LAMA5: variants seen among roughly 807,000 people sequenced by gnomAD.
LAMA5 encodes the protein laminin subunit alpha 5.
In LAMA5, 260 loss-of-function variants were observed where a neutral mutation model predicts 433.4. That is an observed-to-expected ratio of 0.60 (90% confidence interval 0.54 to 0.66). LAMA5 has a LOEUF of 0.66. Among genes scored for constraint, LAMA5 ranks in the 30% least tolerant of loss-of-function variants. LAMA5 has a pLI of 0.00. For synonymous variants in LAMA5, 2,620 were observed against 2,226.6 expected (o/e 1.18, Z -4.97); for missense variants, 5,378 against 5,258.5 (o/e 1.02, Z -0.70).
intron 6 of LAMA5, chr20:62,350,843 C>T (rs1334436290): frequency 6.6e-6 from 1 of 152,358 alleles, no homozygotes; most frequent in Non-Finnish European, 1.5e-5. Flanking sequence ...TGGGGTCCCA[C>T]CCTGTGTTCC....
In LAMA5 at chr20:62,311,952, G is replaced by T; in HGVS notation, c.9603C>A (p.Pro3201=). 6.2e-7 allele frequency: 1 copy of T among 1,612,608 alleles called. No homozygotes were observed. Among genetic ancestry groups the T allele is most frequent in the Non-Finnish European group, 8.5e-7 (1 of 1,179,854 alleles). Residue 3201 remains proline (P), a synonymous_variant, in exon 70 of 80, where the codon CCC becomes CCA. Coordinates refer to ENST00000252999, the MANE Select transcript of LAMA5 (RefSeq NM_005560.6). The stretch of plus-strand genomic sequence containing the variant: ...CATTGCTGTAGAAGGCGACGTAATG[G>T]GGGGCACCATCGGCGAAGCCCGCTT... ...KTQAGFADGA[P]HYVAFYSNAT... is the part of the protein sequence containing the mutation.
Position 62,317,743 on chromosome 20 carries a change from G to C in LAMA5, c.7275C>G (p.Thr2425=). The C allele has an allele frequency of 1.2e-6, 2 of 1,607,592 alleles. No homozygotes were observed. Among genetic ancestry groups the C allele is most frequent in the Non-Finnish European group, 1.7e-6 (2 of 1,177,868 alleles). Residue 2425 remains threonine, a synonymous_variant, in exon 54 of 80, where the codon ACC becomes ACG. Transcript: ENST00000252999. ...RKQELSRDNA[T]LQATLHAARD... ...TAGCCGCATGCAGAGTGGCCTGCAG[G>C]GTGGCATTGTCCCGGGACAGCTCCT...
Position 62,326,862 on chromosome 20 carries a change from C to T in LAMA5, c.5214+3G>A. Reference sequence around the variant, plus strand: ...CCCTGCCACATCATCTCAGCTCCCTCACCTGCAGCACCACATCCGGCCTGC... The same window carrying T: ...CCCTGCCACATCATCTCAGCTCCCTTACCTGCAGCACCACATCCGGCCTGC... On this transcript the variant is annotated splice_donor_region_variant and intron_variant, in intron 39 of 79. Transcript: ENST00000252999. 6.2e-7 allele frequency: 1 copy of T among 1,609,810 alleles called. No homozygotes were observed. Among genetic ancestry groups the T allele is most frequent in the Non-Finnish European group, 8.5e-7 (1 of 1,177,308 alleles).
rs1161827066 is a variant in LAMA5 at position 62,319,735 on chromosome 20, G to A, written c.6820C>T (p.His2274Tyr). The part of the protein sequence containing the change: ...LLAGTEATLG[H>Y]AKTLLAAIRA... ...ATGGCCGCCAACAGCGTCTTCGCATGGCCCAGTGTGGCCTCGGTGCCGGCC... is the reference window on the plus strand; with the variant it reads ...ATGGCCGCCAACAGCGTCTTCGCATAGCCCAGTGTGGCCTCGGTGCCGGCC... Residue 2274 changes from histidine (H) to tyrosine (Y), a missense_variant, in exon 51 of 80, where the codon CAT becomes TAT. Coordinates refer to ENST00000252999, the MANE Select transcript of LAMA5 (RefSeq NM_005560.6). 1.9e-6 allele frequency: 3 copies of A among 1,549,036 alleles called. No homozygotes were observed. Among genetic ancestry groups the A allele is most frequent in the Admixed American group, 1.9e-5 (1 of 51,326 alleles).
At position 62,322,649 on chromosome 20, in the gene LAMA5, C is replaced by T. The variant is rs772889170; in HGVS notation, c.6165+9G>A. On this transcript the variant is annotated intron_variant, in intron 46 of 79. Transcript: ENST00000252999. ...CACCCACCCAGCCCTGCTTACCCCA[C>T]AGCCCTACCTGGCAGCGGTCACAGC... 2.1e-4 allele frequency: 317 copies of T among 1,520,570 alleles called. No individual in the cohort carries two copies. Among genetic ancestry groups the T allele is most frequent in the Non-Finnish European group, 2.5e-4 (281 of 1,127,646 alleles). 94.2% of individuals were successfully genotyped at this position (1,520,570 alleles called of 1,614,324 possible).
intron 2 of LAMA5, among the ~76,000 whole-genome samples, chr20:62,357,144 A>T (rs1439228257): frequency 6.6e-6 from 1 of 152,108 alleles, no homozygotes; most frequent in Non-Finnish European, 1.5e-5. Flanking sequence ...CCTGTGCCCA[A>T]ACCCAGCTCT....
chr20:62,346,843 C>A, intron 7 of LAMA5, 43 bp from the exon 8 acceptor site: 1 of 1,606,972 alleles, frequency 6.2e-7, no homozygotes, highest in Non-Finnish European at 8.5e-7. Flanking sequence ...CCTCCACAGG[C>A]CCGGGCACCG....
chr20:62,363,288 C>G (rs1207790117), intron 1 of LAMA5, among the ~76,000 whole-genome samples: 1 of 152,144 alleles, frequency 6.6e-6, no homozygotes, highest in Non-Finnish European at 1.5e-5. Flanking sequence ...CTGCTGCTTC[C>G]GAGTCCTGGG....
At chr20:62,349,097 G>A (rs574863062) in intron 6 of LAMA5, among the ~76,000 whole-genome samples, 3 of 151,624 alleles carry the variant, frequency 2.0e-5, no homozygotes, top group Non-Finnish European at 4.4e-5. Flanking sequence ...GTGAAACCCC[G>A]TTTCTACTAA....
chr20:62,335,531 C>T (rs954875335), intron 18 of LAMA5, among the ~76,000 whole-genome samples: 7 of 149,468 alleles, frequency 4.7e-5, no homozygotes, highest in Admixed American at 1.3e-4. Context: ...CCAATACTCC[C>T]TCTAGAGCAC....
At chr20:62,333,325 G>A (rs1398531785) in intron 25 of LAMA5, 50 bp downstream of exon 25, 26 of 1,600,776 alleles carry the variant, frequency 1.6e-5, no homozygotes, top group Non-Finnish European at 2.1e-5. Context: ...CAGGCACAGT[G>A]GGGGTCCAGG....
In LAMA5 at chr20:62,314,612, C is replaced by A; in HGVS notation, c.8310G>T (p.Glu2770Asp). ...TALKFYLQGP[E>D]PEPGQGTEDR... Reference sequence around the variant, plus strand: ...CCTCGGTACCCTGCCCAGGCTCAGGCTCTGGGCCCTGCAGGTAGAACTTGA... The same window carrying A: ...CCTCGGTACCCTGCCCAGGCTCAGGATCTGGGCCCTGCAGGTAGAACTTGA... The change falls in exon 61 of 80, where the codon GAG becomes GAT. Residue 2770 changes from glutamate (E) to aspartate (D), a missense_variant. By Grantham distance (45) the Glu-to-Asp change is conservative. Coordinates refer to ENST00000252999, the MANE Select transcript of LAMA5 (RefSeq NM_005560.6). 6.2e-7 allele frequency: 1 copy of A among 1,612,444 alleles called. No individual in the cohort carries two copies. Among genetic ancestry groups the A allele is most frequent in the Non-Finnish European group, 8.5e-7 (1 of 1,179,890 alleles).
chr20:62,353,265 G>C lies in LAMA5; in HGVS notation c.451-14C>G, dbSNP rs777794987. ...CACGTGGAAGACCTGTGGGCCGAGA[G>C]GGCGTCAGGGGAGCCAGGGGCGCCT... is the stretch of plus-strand genomic sequence containing the variant. On this transcript the variant is annotated splice_polypyrimidine_tract_variant and intron_variant, in intron 2 of 79. Coordinates refer to ENST00000252999, the MANE Select transcript of LAMA5 (RefSeq NM_005560.6). 6.4e-7 allele frequency: 1 copy of C among 1,568,468 alleles called. No homozygotes were observed. Among genetic ancestry groups the C allele is most frequent in the South Asian group, 1.2e-5 (1 of 86,598 alleles).
rs375624201 is a variant in LAMA5, at chr20:62,351,764, C to A, written c.896G>T (p.Arg299Leu). The A allele has an allele frequency of 1.2e-5, 20 of 1,611,042 alleles. No homozygotes were observed. The highest frequency in any genetic ancestry group is 1.5e-5 in the Non-Finnish European group (18 of 1,179,634). Residue 299 changes from arginine to leucine, a missense_variant, in exon 6 of 80, where the codon CGC (arginine) becomes CTC (leucine). Transcript: ENST00000252999. The stretch of plus-strand genomic sequence containing the variant: ...ATCCGCGTGGCCGTGGCAGACACAG[C>A]GGCCTCCGATGCTGATATCCTTGAT... ...YSIKDISIGG[R>L]CVCHGHADAC...
intron 6 of LAMA5, 23 bp downstream of exon 6, chr20:62,351,681 G>A: frequency 6.3e-7 from 1 of 1,590,786 alleles, no homozygotes; most frequent in South Asian, 1.1e-5. Context: ...CCTGAACGGG[G>A]CCTCACCTGA....
rs767722075 is a variant in LAMA5 at position 62,313,386 on chromosome 20, G to A, written c.8733C>T (p.Ser2911=). Residue 2911 remains serine, a synonymous_variant, in exon 64 of 80, where the codon AGC becomes AGT. Transcript: ENST00000252999. ...EMDTLNEEVV[S]LYNFERTFQL... ...GGAAGGTCCTCTCGAAGTTGTAGAG[G>A]CTGACCACCTCCTCATTCAGCGTGT... The A allele has an allele frequency of 2.5e-6, 4 of 1,603,454 alleles. No homozygotes were observed. The South Asian group carries it at 3.4e-5, about 13-fold the overall frequency.
chr20:62,326,514 T>G, intron 40 of LAMA5, 163 bp downstream of exon 40: 1 of 600,872 alleles, frequency 1.7e-6, no homozygotes, highest in South Asian at 2.0e-5. Context: ...ACAGAAGATA[T>G]CTGACAATGG....
In LAMA5 at chr20:62,346,341, G is replaced by T. The variant is rs1287957220; in HGVS notation, c.1283-126C>A. On this transcript the variant is annotated intron_variant, in intron 9 of 79. Coordinates refer to ENST00000252999, the MANE Select transcript of LAMA5 (RefSeq NM_005560.6). Reference sequence around the variant, plus strand: ...ATGAGGGCTACAGCCAGGCCCCCTGGGGGGACATGAGGGCTGGGGACCCGC... The same window carrying T: ...ATGAGGGCTACAGCCAGGCCCCCTGTGGGGACATGAGGGCTGGGGACCCGC... 10 of 1,414,472 alleles carry T rather than the reference G, an allele frequency of 7.1e-6. No individual in the cohort carries two copies. The Admixed American group carries it at 1.2e-4, about 18-fold the overall frequency. 87.6% of individuals were successfully genotyped at this position (1,414,472 alleles called of 1,614,324 possible). A position where few individuals can be genotyped will look rare whatever the true frequency, so the allele number is the denominator to read the frequency against.
intron 25 of LAMA5, 52 bp downstream of exon 25, chr20:62,333,322 AG>A (rs1980854381): frequency 6.2e-7 from 1 of 1,600,270 alleles, no homozygotes; most frequent in African/African-American, 1.3e-5. Flanking sequence ...AGCCAGGCAC[AG>A]TGGGGGTCCA....
Sources: allele counts gnomAD v4.1 joint callset (sites outside exome capture counted in the v4.1 genomes callset), GRCh38; gene constraint gnomAD v4.1.1; transcripts MANE v1.5; gene names NCBI Gene and HGNC (gene_info 2026-07-23, HGNC 2026-07-21).